The following GPC6 variants were observed in gnomAD, a reference collection of about 807,000 sequenced individuals.
The protein encoded by GPC6 is glypican 6.
Under a neutral mutation model 55.2 loss-of-function variants are expected in GPC6, and 14 were observed. That is an observed-to-expected ratio of 0.25 (90% CI 0.17 to 0.40). The LOEUF (loss-of-function observed/expected upper bound fraction) is 0.40, where lower values mean the gene tolerates loss of function less well. Among genes scored for constraint, GPC6 ranks in the 10% least tolerant of loss-of-function variants. The pLI, the probability that GPC6 is intolerant of heterozygous loss-of-function variation, is 1.00. For synonymous variants in GPC6, 278 were observed against 259.6 expected (o/e 1.07, Z -0.68); for missense variants, 641 against 708.5 (o/e 0.90, Z 1.08).
chr13:93,316,873 G>A (rs1376246369), intron 1 of GPC6, among the ~76,000 whole-genome samples: 1 of 152,054 alleles, frequency 6.6e-6, no homozygotes, highest in Non-Finnish European at 1.5e-5. Flanking sequence ...TTGCTTTTCT[G>A]AGAAGGTGTT....
chr13:93,658,855 G>A (rs1880800776), intron 2 of GPC6, among the ~76,000 whole-genome samples: 1 of 151,738 alleles, frequency 6.6e-6, no homozygotes, highest in Non-Finnish European at 1.5e-5. Context: ...TGATATGATT[G>A]TCAGATTTCA....
At chr13:94,368,088 G>A (rs889198015) in intron 6 of GPC6, among the ~76,000 whole-genome samples, 2 of 149,164 alleles carry the variant, frequency 1.3e-5, no homozygotes, top group Non-Finnish European at 3.0e-5. Flanking sequence ...GGCGGGGGTT[G>A]CAGTGAGCCG....
chr13:93,625,608 C>A lies in GPC6; in HGVS notation c.319+80187C>A, dbSNP rs149216899. On this transcript the variant is annotated intron_variant, in intron 2 of 8. Transcript: ENST00000377047. ...CTTGAAGAGAGTGAGAGATGCCCTC[C>A]CTCTCTTCTCCACTGTGCAGTCTAG... 9.6e-4 allele frequency among the ~76,000 whole-genome samples: 146 copies of A among 152,246 alleles called. 1 individual carries two copies. Among genetic ancestry groups the A allele is most frequent in the Middle Eastern group, 3.4e-3 (1 of 294 alleles).
intron 4 of GPC6, among the ~76,000 whole-genome samples, chr13:94,283,432 A>G (rs1892444224): frequency 6.6e-6 from 1 of 152,230 alleles, no homozygotes; most frequent in Non-Finnish European, 1.5e-5. Context: ...CTGACTCCAC[A>G]GTCTTCATTC....
intron 1 of GPC6, among the ~76,000 whole-genome samples, chr13:93,456,379 C>T (rs1021951613): frequency 1.3e-5 from 2 of 151,928 alleles, no homozygotes; most frequent in Admixed American, 6.6e-5. Flanking sequence ...ATAAAATTAT[C>T]CCTACTGTTA....
intron 1 of GPC6, among the ~76,000 whole-genome samples, chr13:93,268,577 G>A (rs79296037): frequency 2.0e-5 from 3 of 152,144 alleles, no homozygotes; most frequent in Admixed American, 6.5e-5. Flanking sequence ...ACCAATTCTC[G>A]GTGAATTTAG....
chr13:93,908,321 A>G lies in GPC6; in HGVS notation c.711+77776A>G, dbSNP rs117101449. ...AGATAAGGACAAGAGTCTGAATAGA[A>G]ATGATTTTCAAAGTCTGTGAATAGT... On this transcript the variant is annotated intron_variant, in intron 3 of 8. Transcript: ENST00000377047. Among the ~76,000 whole-genome samples, 270 of 152,310 alleles carry G rather than the reference A, an allele frequency of 1.8e-3. 6 individuals carry two copies. The East Asian group carries it at 0.05, about 28-fold the overall frequency.
intron 2 of GPC6, among the ~76,000 whole-genome samples, chr13:93,710,503 T>C (rs1883016310): frequency 6.6e-6 from 1 of 151,786 alleles, no homozygotes; most frequent in Admixed American, 6.6e-5. Context: ...TAATGGTATG[T>C]GTAGGAGAGC....
intron 2 of GPC6, among the ~76,000 whole-genome samples, chr13:93,678,704 A>T (rs1881739094): frequency 6.6e-6 from 1 of 152,160 alleles, no homozygotes. Flanking sequence ...ATTCTACCCT[A>T]TAGCTGCCTA....
rs370951593 is a variant in GPC6 at position 94,403,007 on chromosome 13, C to T, written c.1466-8C>T. 2.0e-5 allele frequency: 32 copies of T among 1,594,508 alleles called. No individual in the cohort carries two copies. The highest frequency in any genetic ancestry group is 2.8e-5 in the Non-Finnish European group (32 of 1,162,168). On this transcript the variant is annotated splice_region_variant and splice_polypyrimidine_tract_variant and intron_variant, in intron 8 of 8. Coordinates refer to ENST00000377047, the MANE Select transcript of GPC6 (RefSeq NM_005708.5). ...GTCTAACTTTCTTTTTCAATCTTTC[C>T]ACACTAGGTGATGAATCCAGTGGCT...
rs972068544 is a variant in GPC6 at position 94,289,649 on chromosome 13, C to T, written c.1008+3170C>T. Among the ~76,000 whole-genome samples, 6 of 152,116 alleles carry T rather than the reference C, an allele frequency of 3.9e-5. No homozygotes were observed. The South Asian group carries it at 1.2e-3, about 32-fold the overall frequency. The stretch of plus-strand genomic sequence containing the variant: ...TTCCTCCTTTACATTGCTACTGGTT[C>T]CCTATGTCCATCCAAACCTAGAAAA... On this transcript the variant is annotated intron_variant, in intron 5 of 8. Coordinates refer to ENST00000377047, the MANE Select transcript of GPC6 (RefSeq NM_005708.5).
chr13:93,230,923 T>G (rs2139000520), intron 1 of GPC6, among the ~76,000 whole-genome samples: 1 of 152,268 alleles, frequency 6.6e-6, no homozygotes, highest in African/African-American at 2.4e-5. Flanking sequence ...TTATAACACT[T>G]TGTAGTTAAC....
intron 4 of GPC6, among the ~76,000 whole-genome samples, chr13:94,181,529 G>C (rs1344921690): frequency 6.6e-6 from 1 of 152,168 alleles, no homozygotes; most frequent in Admixed American, 6.5e-5. Context: ...AACAGTATCT[G>C]ACTTAATCTA....
chr13:93,986,260 T>A (rs1368517551), intron 3 of GPC6, among the ~76,000 whole-genome samples: 5 of 152,200 alleles, frequency 3.3e-5, no homozygotes, highest in Non-Finnish European at 5.9e-5. Flanking sequence ...CTTTTATTTA[T>A]CATTTAATGA....
chr13:94,107,644 G>A (rs1886104372), intron 4 of GPC6, among the ~76,000 whole-genome samples: 1 of 149,314 alleles, frequency 6.7e-6, no homozygotes, highest in Admixed American at 6.7e-5. Context: ...CTGTCCTGAG[G>A]ATAAATCATG....
At chr13:93,288,013 G>A (rs919143850) in intron 1 of GPC6, among the ~76,000 whole-genome samples, 8 of 151,980 alleles carry the variant, frequency 5.3e-5, no homozygotes, top group Non-Finnish European at 7.4e-5. Context: ...AAGCTTCATC[G>A]GTTTTGATTT....
intron 1 of GPC6, among the ~76,000 whole-genome samples, chr13:93,544,686 A>G (rs765788149): frequency 6.6e-6 from 1 of 152,212 alleles, no homozygotes; most frequent in Non-Finnish European, 1.5e-5. Context: ...AGCATTAATT[A>G]AACCCATCAG....
intron 6 of GPC6, among the ~76,000 whole-genome samples, chr13:94,327,697 G>A (rs887374599): frequency 6.6e-5 from 10 of 151,892 alleles, no homozygotes; most frequent in South Asian, 2.1e-4. Flanking sequence ...TGAGTGGGTC[G>A]GAGTATTTTT....
At chr13:94,039,164 T>A (rs1337829) in intron 4 of GPC6, among the ~76,000 whole-genome samples, 3 of 151,978 alleles carry the variant, frequency 2.0e-5, no homozygotes, top group Non-Finnish European at 4.4e-5. Flanking sequence ...GTTGTGTACA[T>A]GGAGGTAAGG....
Sources: allele counts gnomAD v4.1 joint callset (sites outside exome capture counted in the v4.1 genomes callset), GRCh38; gene constraint gnomAD v4.1.1; transcripts MANE v1.5; gene names NCBI Gene and HGNC (gene_info 2026-07-23, HGNC 2026-07-21).